Variants in DPYSL2 observed in about 807,000 individuals in gnomAD.
DPYSL2 encodes dihydropyrimidinase-related protein 2.
In DPYSL2, 13 loss-of-function variants were observed where a neutral mutation model predicts 69.9. The ratio of observed to expected loss-of-function variants is 0.19; its 90% confidence interval spans 0.12 to 0.30. The LOEUF (loss-of-function observed/expected upper bound fraction) is 0.30, where lower values mean the gene tolerates loss of function less well. DPYSL2 is among the 10% of genes least tolerant of loss of function. The pLI is 1.00. For missense variants in DPYSL2, 587 were observed against 918.9 expected, an observed-to-expected ratio of 0.64 and a Z score of 4.67; for synonymous variants, 326 against 359.1, an observed-to-expected ratio of 0.91 and a Z score of 1.04.
At chr8:26,583,604 G>T (rs2129739022) in intron 2 of DPYSL2, among the ~76,000 whole-genome samples, 195 bp from the exon 3 acceptor site, 1 of 152,174 alleles carries the variant, frequency 6.6e-6, no homozygotes, top group Middle Eastern at 3.4e-3. Context: ...TTTAACTTTT[G>T]CTTTCTAGTA....
intron 1 of DPYSL2, among the ~76,000 whole-genome samples, chr8:26,519,205 G>A (rs1208514603): frequency 6.6e-6 from 1 of 152,196 alleles, no homozygotes; most frequent in East Asian, 1.9e-4. Context: ...TTTGATGCAA[G>A]CATCCCTCTT....
At chr8:26,625,924 C>G (rs2129910122) in intron 4 of DPYSL2, among the ~76,000 whole-genome samples, 1 of 152,294 alleles carries the variant, frequency 6.6e-6, no homozygotes, top group Non-Finnish European at 1.5e-5. Context: ...CATCACCACC[C>G]TCCATCCACA....
chr8:26,578,588 C>T, intron 1 of DPYSL2: 1 of 1,320,460 alleles, frequency 7.6e-7, no homozygotes. Context: ...GCTGCAGCGT[C>T]GGCCCGCGGG....
At position 26,564,629 on chromosome 8, in the gene DPYSL2, GGAT is replaced by G. The variant is rs1016991988; in HGVS notation, c.355-17337_355-17335del. Among the ~76,000 whole-genome samples, 7 of 152,192 alleles carry G rather than the reference GGAT, an allele frequency of 4.6e-5. No individual in the cohort carries two copies. The highest frequency in any genetic ancestry group is 1.7e-4 in the African/African-American group (7 of 41,442). Reference sequence around the variant, plus strand: ...ACTGAGCTCATGAGAACACGATTGAGGATGACCCAGGAAGCATGGCAAAGGTGG... The same window carrying G: ...ACTGAGCTCATGAGAACACGATTGAGGACCCAGGAAGCATGGCAAAGGTGG... On this transcript the variant is annotated intron_variant, in intron 1 of 13. Transcript: ENST00000521913. This position sits in a 1 kb window ranked among gnomAD's most constrained non-coding sequence, Gnocchi z 4.8.
In DPYSL2 at chr8:26,562,672, CT is replaced by C. The variant is rs1801092077; in HGVS notation, c.355-19296del. On this transcript the variant is annotated intron_variant, in intron 1 of 13. Coordinates refer to ENST00000521913, the MANE Select transcript of DPYSL2 (RefSeq NM_001197293.3). This position sits in a 1 kb window ranked among gnomAD's most constrained non-coding sequence, Gnocchi z 4.9. ...CTTCGGTTGTACAAAGCAGATGTTA[CT>C]GTGTAACAAATAGCCCCAAAATATA... Among the ~76,000 whole-genome samples, 1 of 152,214 alleles carries C rather than the reference CT, an allele frequency of 6.6e-6. No individual in the cohort carries two copies.
At chr8:26,606,845 A>AG (rs947990462) in intron 3 of DPYSL2, among the ~76,000 whole-genome samples, 7 of 152,150 alleles carry the variant, frequency 4.6e-5, no homozygotes, top group African/African-American at 7.2e-5. Context: ...GTCAATTCTG[A>AG]GGGGGGAAGA....
rs539666268 is a variant in DPYSL2, at chr8:26,617,368, G to A, written c.629-6775G>A. Among the ~76,000 whole-genome samples the A allele has an allele frequency of 7.9e-5, 12 of 152,286 alleles. No homozygotes were observed. In the South Asian group the frequency reaches 1.9e-3, roughly 24 times the overall value. ...AAAATTAGACAGTGTGGTGGCGCACGCCTGTGGTCCTAGCTATTTGGGAGG... is the reference window on the plus strand; with the variant it reads ...AAAATTAGACAGTGTGGTGGCGCACACCTGTGGTCCTAGCTATTTGGGAGG... On this transcript the variant is annotated intron_variant, in intron 3 of 13. Transcript: ENST00000521913. This position sits in a 1 kb window ranked among gnomAD's most constrained non-coding sequence, Gnocchi z 4.7.
At chr8:26,575,596 G>C (rs1020314380) in intron 1 of DPYSL2, among the ~76,000 whole-genome samples, 8 of 152,294 alleles carry the variant, frequency 5.3e-5, no homozygotes, top group South Asian at 4.1e-4. Flanking sequence ...GAGTGGAAAC[G>C]TCAGTTATTA....
At position 26,591,579 on chromosome 8, in the gene DPYSL2, CCTT is replaced by C. The variant is rs1801728143; in HGVS notation, c.628+7599_628+7601del. Among the ~76,000 whole-genome samples the C allele has an allele frequency of 1.3e-5, 2 of 152,290 alleles. No individual in the cohort carries two copies. The highest frequency in any genetic ancestry group is 2.1e-4 in the South Asian group (1 of 4,820). ...TCTGATGGGAGCCAGACCCGTTACT[CCTT>C]CTACTCATGATAGCTTTAGCATTGT... On this transcript the variant is annotated intron_variant, in intron 3 of 13. Coordinates refer to ENST00000521913, the MANE Select transcript of DPYSL2 (RefSeq NM_001197293.3). This position sits in a 1 kb window ranked among gnomAD's most constrained non-coding sequence, Gnocchi z 5.8.
intron 1 of DPYSL2, among the ~76,000 whole-genome samples, chr8:26,546,591 T>C (rs1415924939): frequency 6.6e-6 from 1 of 152,116 alleles, no homozygotes; most frequent in African/African-American, 2.4e-5. Flanking sequence ...TAGTTTCTTA[T>C]CTGAGATGCT....
intron 1 of DPYSL2, among the ~76,000 whole-genome samples, chr8:26,550,594 G>C (rs1183252245): frequency 1.3e-5 from 2 of 152,164 alleles, no homozygotes; most frequent in African/African-American, 4.8e-5. Context: ...GATGGAGAAA[G>C]ATATGTTATG....
chr8:26,620,320 A>C lies in DPYSL2; in HGVS notation c.629-3823A>C, dbSNP rs1177299027. 6.6e-6 allele frequency among the ~76,000 whole-genome samples: 1 copy of C among 151,926 alleles called. No individual in the cohort carries two copies. The highest frequency in any genetic ancestry group is 1.5e-5 in the Non-Finnish European group (1 of 67,996). ...CACCCAAGCTGGAGTGCAGTGGTGC[A>C]ATCTCAGCTCACTGCAACCTCCGCC... On this transcript the variant is annotated intron_variant, in intron 3 of 13. Transcript: ENST00000521913. The surrounding 1 kb of genome is among the most constrained non-coding windows in gnomAD (Gnocchi z 4.5).
At chr8:26,629,662 G>A (rs1353605562) in intron 7 of DPYSL2, among the ~76,000 whole-genome samples, 3 of 152,252 alleles carry the variant, frequency 2.0e-5, no homozygotes, top group African/African-American at 7.2e-5. Context: ...ACCGTGGCTG[G>A]TGGACAGTGA....
rs1803048052 is a variant in DPYSL2, at chr8:26,641,589, G to T, written c.1127-1850G>T. On this transcript the variant is annotated intron_variant, in intron 8 of 13. Coordinates refer to ENST00000521913, the MANE Select transcript of DPYSL2 (RefSeq NM_001197293.3). The surrounding 1 kb of genome is among the most constrained non-coding windows in gnomAD (Gnocchi z 4.1). ...TTTCCACTTCGGGATGAACCGGAGT[G>T]GTTTGTGCAGCCACCTGATAGCTCT... 6.6e-6 allele frequency among the ~76,000 whole-genome samples: 1 copy of T among 152,264 alleles called. No homozygotes were observed. Among genetic ancestry groups the T allele is most frequent in the Non-Finnish European group, 1.5e-5 (1 of 68,048 alleles).
intron 1 of DPYSL2, among the ~76,000 whole-genome samples, chr8:26,579,005 G>A (rs1190521544): frequency 2.0e-5 from 3 of 152,238 alleles, no homozygotes; most frequent in African/African-American, 4.8e-5. Flanking sequence ...GGCCCTGGCG[G>A]GGATTCGGGC....
intron 1 of DPYSL2, among the ~76,000 whole-genome samples, chr8:26,557,338 T>C (rs1302525815): frequency 6.6e-6 from 1 of 151,894 alleles, no homozygotes; most frequent in Non-Finnish European, 1.5e-5. Flanking sequence ...CAAAGAACTC[T>C]TAAAACCCAA....
intron 1 of DPYSL2, among the ~76,000 whole-genome samples, chr8:26,547,220 G>A (rs13278883): frequency 4.0e-5 from 6 of 151,836 alleles, no homozygotes; most frequent in Non-Finnish European, 8.8e-5. Flanking sequence ...AAAATTAGCC[G>A]GGTGTGGTGG....
At chr8:26,526,434 T>C (rs539401750) in intron 1 of DPYSL2, among the ~76,000 whole-genome samples, 1 of 152,228 alleles carries the variant, frequency 6.6e-6, no homozygotes, top group Non-Finnish European at 1.5e-5. Context: ...GTTATTGAAC[T>C]CACTCTTGGT....
At chr8:26,578,194 C>T in intron 1 of DPYSL2, 3 of 1,612,142 alleles carry the variant, frequency 1.9e-6, no homozygotes, top group Admixed American at 3.4e-5. Flanking sequence ...CCCAAGTCCC[C>T]TTCCCGGCAG....
Sources: allele counts gnomAD v4.1 joint callset (sites outside exome capture counted in the v4.1 genomes callset), GRCh38; gene constraint gnomAD v4.1.1; non-coding constraint Gnocchi (gnomAD v3.1); transcripts MANE v1.5; gene names NCBI Gene and HGNC (gene_info 2026-07-23, HGNC 2026-07-21).